The following CANX variants were observed in gnomAD, a reference collection of about 807,000 sequenced individuals.
The protein encoded by CANX is calnexin, also known as epididymis secretory sperm binding protein.
In CANX, 14 loss-of-function variants were observed where a neutral mutation model predicts 75.7. The ratio of observed to expected loss-of-function variants is 0.19; its 90% confidence interval spans 0.12 to 0.29. CANX has a LOEUF of 0.29. CANX is among the 10% of genes least tolerant of loss of function. The pLI is 1.00. For synonymous variants in CANX, 227 were observed against 236.9 expected (o/e 0.96, Z 0.38); for missense variants, 567 against 713.2 (o/e 0.79, Z 2.34).
At chr5:179,710,853 G>T (rs1173212948) in intron 7 of CANX, among the ~76,000 whole-genome samples, 1 of 151,606 alleles carries the variant, frequency 6.6e-6, no homozygotes, top group Non-Finnish European at 1.5e-5. Flanking sequence ...AGGCATTCGA[G>T]ACTAGCATGG....
chr5:179,698,746 C>A, upstream of CANX: 1 of 660,250 alleles, frequency 1.5e-6, no homozygotes, highest in Non-Finnish European at 2.3e-6. Context: ...ACCTCCCGCC[C>A]AACCAACAGC....
chr5:179,708,958 G>A lies in CANX; in HGVS notation c.447-20G>A, dbSNP rs1205867497. The A allele has an allele frequency of 3.8e-6, 5 of 1,313,994 alleles. No individual in the cohort carries two copies. The highest frequency in any genetic ancestry group is 5.5e-6 in the Non-Finnish European group (5 of 906,396). 81.4% of individuals were successfully genotyped at this position (1,313,994 alleles called of 1,614,324 possible). ...CTTTCAAAATGCCATACAGTTTTCT[G>A]CTTTTCTCTCTGATATTAGGTATGA... On this transcript the variant is annotated intron_variant, in intron 5 of 14. Coordinates refer to ENST00000247461, the MANE Select transcript of CANX (RefSeq NM_001746.4).
chr5:179,718,511 C>T (rs2113231529), intron 8 of CANX, among the ~76,000 whole-genome samples: 1 of 152,082 alleles, frequency 6.6e-6, no homozygotes, highest in Non-Finnish European at 1.5e-5. Context: ...GCGTGTGCCA[C>T]CGTGCCTGGC....
intron 1 of CANX, among the ~76,000 whole-genome samples, chr5:179,692,060 G>A (rs1215546842): frequency 4.8e-5 from 7 of 144,456 alleles, no homozygotes; most frequent in Non-Finnish European, 9.0e-5. Flanking sequence ...GATAACAGGC[G>A]TGAGCCACCG....
chr5:179,681,579 G>A (rs552007501), intron 1 of CANX, among the ~76,000 whole-genome samples: 3 of 152,138 alleles, frequency 2.0e-5, no homozygotes, highest in African/African-American at 7.2e-5. Flanking sequence ...TTAAAGCAAG[G>A]GAGCCCGTCT....
intron 7 of CANX, among the ~76,000 whole-genome samples, chr5:179,711,801 AAAAT>A (rs548087984): frequency 0.011 from 1,610 of 151,056 alleles, 19 homozygotes; most frequent in Non-Finnish European, 0.018. Context: ...AAAAAAAAAA[AAAAT>A]TGGTATTTTT....
Position 179,709,035 on chromosome 5 carries a change from T to A in CANX, c.504T>A (p.Leu168=). The part of the protein sequence containing the change: ...IECGGAYVKL[L]SKTPELNLDQ... The stretch of plus-strand genomic sequence containing the variant: ...GTGGTGGTGCCTATGTGAAACTGCT[T>A]TCTAAAACACCAGAACTCAACCTGG... The change falls in exon 6 of 15, where the codon CTT becomes CTA. Residue 168 remains leucine, a synonymous_variant. Transcript: ENST00000247461. 1 of 1,598,880 alleles carries A rather than the reference T, an allele frequency of 6.3e-7. No individual in the cohort carries two copies. Among genetic ancestry groups the A allele is most frequent in the Non-Finnish European group, 8.6e-7 (1 of 1,166,076 alleles).
At chr5:179,688,933 A>AGT (rs1157459812) in intron 1 of CANX, among the ~76,000 whole-genome samples, 2 of 151,456 alleles carry the variant, frequency 1.3e-5, no homozygotes, top group African/African-American at 4.9e-5. Context: ...TGGACAACAG[A>AGT]GTGAGACACT....
chr5:179,698,145 C>T (rs1776469726), upstream of CANX, among the ~76,000 whole-genome samples: 2 of 152,180 alleles, frequency 1.3e-5, no homozygotes, highest in South Asian at 4.1e-4. Flanking sequence ...TCTCAGCATA[C>T]TGAAAACTGA....
chr5:179,700,835 A>G (rs1010967501), intron 1 of CANX: 2 of 152,080 alleles, frequency 1.3e-5, no homozygotes, highest in African/African-American at 4.9e-5. Context: ...CAGGCTCATG[A>G]AACTTGAATT....
intron 1 of CANX, chr5:179,701,084 T>G (rs934123459): frequency 1.3e-5 from 2 of 152,006 alleles, no homozygotes; most frequent in African/African-American, 4.8e-5. Context: ...GCCAGGATGG[T>G]CTCAATCTCC....
At chr5:179,682,895 T>A (rs1241033202) in intron 1 of CANX, among the ~76,000 whole-genome samples, 5 of 151,962 alleles carry the variant, frequency 3.3e-5, no homozygotes, top group Admixed American at 3.3e-4. Context: ...CTTGAAGACC[T>A]GGGGGTAGAG....
upstream of CANX, among the ~76,000 whole-genome samples, chr5:179,696,189 A>T (rs1776398268): frequency 6.6e-6 from 1 of 151,448 alleles, no homozygotes; most frequent in South Asian, 2.1e-4. Flanking sequence ...AAAGTGCTGA[A>T]TTAGAGGCAT....
intron 7 of CANX, among the ~76,000 whole-genome samples, chr5:179,714,766 C>G (rs1311817921): frequency 6.6e-6 from 1 of 152,146 alleles, no homozygotes; most frequent in Non-Finnish European, 1.5e-5. Flanking sequence ...ATTCGCCCGT[C>G]TCGGCCTCCC....
At chr5:179,711,824 A>G (rs1319741620) in intron 7 of CANX, among the ~76,000 whole-genome samples, 1 of 145,878 alleles carries the variant, frequency 6.9e-6, no homozygotes, top group Non-Finnish European at 1.5e-5. Context: ...TTTGCTGGAC[A>G]TGGTGGCTCA....
At chr5:179,684,345 A>G (rs1052477015) in intron 1 of CANX, among the ~76,000 whole-genome samples, 21 of 150,746 alleles carry the variant, frequency 1.4e-4, no homozygotes, top group Non-Finnish European at 5.9e-5. Flanking sequence ...AGCCTCCCAA[A>G]GTGCTAGGAT....
chr5:179,678,695 G>T, exon 1 of CANX: 1 of 1,536,874 alleles, frequency 6.5e-7, no homozygotes, highest in Non-Finnish European at 8.7e-7. Context: ...GATCACCTCG[G>T]GGTTGCGCTG....
intron 1 of CANX, among the ~76,000 whole-genome samples, chr5:179,682,726 A>AC (rs1306499941): frequency 6.6e-6 from 1 of 151,728 alleles, no homozygotes; most frequent in Admixed American, 6.6e-5. Context: ...AAAAAAAAAA[A>AC]AACCCTAATT....
At chr5:179,724,500 C>T (rs971577085) in intron 12 of CANX, among the ~76,000 whole-genome samples, 157 bp from the exon 13 acceptor site, 1 of 152,144 alleles carries the variant, frequency 6.6e-6, no homozygotes, top group African/African-American at 2.4e-5. Context: ...CACACACGTA[C>T]ATACACGCTC....
Sources: allele counts gnomAD v4.1 joint callset (sites outside exome capture counted in the v4.1 genomes callset), GRCh38; gene constraint gnomAD v4.1.1; transcripts MANE v1.5; gene names NCBI Gene and HGNC (gene_info 2026-07-23, HGNC 2026-07-21).